The following WHRN variants were observed in gnomAD, a reference collection of about 807,000 sequenced individuals.
WHRN encodes whirlin.
In WHRN, 41 loss-of-function variants were observed where a neutral mutation model predicts 68.3. The ratio of observed to expected loss-of-function variants is 0.60; its 90% CI spans 0.47 to 0.78. The LOEUF is 0.78. WHRN is among the 30% of genes least tolerant of loss of function. The probability of loss-of-function intolerance (pLI) is 0.00; values close to 1 mark genes in which losing one functional copy is unlikely to be tolerated. For missense variants in WHRN, 1,243 were observed against 1,244.7 expected (o/e 1.00, Z 0.02); for synonymous variants, 560 against 561.3 (o/e 1.00, Z 0.03).
At chr9:114,493,371 A>AAAAG (rs1843160138) in intron 1 of WHRN, among the ~76,000 whole-genome samples, 3 of 6,498 alleles carry the variant, frequency 4.6e-4, no homozygotes, top group African/African-American at 2.0e-3. Context: ...AAAAAAAAAA[A>AAAAG]GTGGGGGTGG....
At chr9:114,450,082 T>C (rs1324635) in intron 3 of WHRN, among the ~76,000 whole-genome samples, 43,498 of 151,814 alleles carry the variant, frequency 0.29, 6,496 homozygotes, top group Admixed American at 0.36. Context: ...CTACTGCACC[T>C]CAGGGATAGG....
At position 114,402,919 on chromosome 9, in the gene WHRN, G is replaced by T; in HGVS notation, c.2559C>A (p.His853Gln). ...IVTIQRGGSAHNCGQLKVGHV... is the reference protein window; with the variant it reads ...IVTIQRGGSAQNCGQLKVGHV... ...GGCCCACCTTGAGCTGCCCACAGTT[G>T]TGAGCTGAGCCGCCTCTCTGCAGGG... Residue 853 changes from histidine (H) to glutamine (Q), a missense_variant, in exon 12 of 12, where the codon CAC becomes CAA. Coordinates refer to ENST00000362057, the MANE Select transcript of WHRN (RefSeq NM_015404.4). The T allele has an allele frequency of 6.2e-7, 1 of 1,612,120 alleles. No homozygotes were observed. Among genetic ancestry groups the T allele is most frequent in the Non-Finnish European group, 8.5e-7 (1 of 1,179,444 alleles).
In WHRN at chr9:114,414,900, G is replaced by A. The variant is rs567524727; in HGVS notation, c.1627-6882C>T. 1.2e-4 allele frequency among the ~76,000 whole-genome samples: 19 copies of A among 152,276 alleles called. No individual in the cohort carries two copies. In the East Asian group the frequency reaches 3.5e-3, roughly 28 times the overall value. ...TGGGCACTCAGCAGCTTCCTGGGGT[G>A]GGGGACAGGAGGTCATCTGGACAGG... is the stretch of plus-strand genomic sequence containing the variant. On this transcript the variant is annotated intron_variant, in intron 7 of 11. Transcript: ENST00000362057.
At chr9:114,472,049 C>G (rs1484234587) in intron 2 of WHRN, among the ~76,000 whole-genome samples, 1 of 152,220 alleles carries the variant, frequency 6.6e-6, no homozygotes. Flanking sequence ...CAGCGAACAC[C>G]TGAATGTGTG....
At chr9:114,417,578 G>A (rs941827332) in intron 7 of WHRN, among the ~76,000 whole-genome samples, 2 of 152,236 alleles carry the variant, frequency 1.3e-5, no homozygotes, top group Non-Finnish European at 2.9e-5. Context: ...TGTGACAAGT[G>A]ATTTAGCAGA....
intron 3 of WHRN, among the ~76,000 whole-genome samples, chr9:114,449,211 C>T (rs1057412535): frequency 1.3e-4 from 20 of 152,224 alleles, no homozygotes; most frequent in African/African-American, 4.8e-4. Flanking sequence ...CATGTAAAGC[C>T]AGAAGGGCAA....
At chr9:114,407,445 T>C (rs1002560887) in intron 8 of WHRN, among the ~76,000 whole-genome samples, 3 of 152,162 alleles carry the variant, frequency 2.0e-5, no homozygotes, top group Non-Finnish European at 2.9e-5. Context: ...ACGTGAATAC[T>C]GTTAGCACAG....
intron 7 of WHRN, among the ~76,000 whole-genome samples, chr9:114,413,081 T>G (rs1480203305): frequency 6.6e-6 from 1 of 152,264 alleles, no homozygotes; most frequent in Non-Finnish European, 1.5e-5. Context: ...GCTGAGTGGT[T>G]CTTTCTTCAT....
At position 114,406,714 on chromosome 9, in the gene WHRN, T is replaced by A. The variant is rs1589064822; in HGVS notation, c.1877A>T (p.Asn626Ile). Reference sequence around the variant, plus strand: ...TGCGGTGCCCGCTGGCGGGCTGCGGTTCTGTGGAGCCGAGAAGACAGTGCC... The same window carrying A: ...TGCGGTGCCCGCTGGCGGGCTGCGGATCTGTGGAGCCGAGAAGACAGTGCC... ...CSGTVFSAPQNRSPPAGTAPT... is the reference protein window; with the variant it reads ...CSGTVFSAPQIRSPPAGTAPT... The change falls in exon 9 of 12, where the codon AAC becomes ATC. Residue 626 changes from asparagine (N) to isoleucine (I), a missense_variant. Physicochemically the swap from Asn to Ile is moderately radical, Grantham distance 149. Coordinates refer to ENST00000362057, the MANE Select transcript of WHRN (RefSeq NM_015404.4). 1 of 1,613,770 alleles carries A rather than the reference T, an allele frequency of 6.2e-7. No homozygotes were observed. Among genetic ancestry groups the A allele is most frequent in the African/African-American group, 1.3e-5 (1 of 74,844 alleles).
intron 1 of WHRN, among the ~76,000 whole-genome samples, chr9:114,496,705 T>C (rs1369122203): frequency 6.6e-6 from 1 of 152,230 alleles, no homozygotes; most frequent in Non-Finnish European, 1.5e-5. Context: ...GTGAGGACTA[T>C]GGGCCAGGTT....
intron 7 of WHRN, among the ~76,000 whole-genome samples, chr9:114,416,579 C>T (rs1218433170): frequency 6.6e-6 from 1 of 152,152 alleles, no homozygotes; most frequent in Non-Finnish European, 1.5e-5. Flanking sequence ...TGCCTGCTTC[C>T]CCTTCAAACT....
At chr9:114,452,517 C>G (rs553664161) in intron 3 of WHRN, among the ~76,000 whole-genome samples, 1 of 152,330 alleles carries the variant, frequency 6.6e-6, no homozygotes, top group East Asian at 1.9e-4. Context: ...GTCTTTGACT[C>G]CAAAGCTCCT....
chr9:114,435,464 C>A (rs944410549), intron 3 of WHRN, among the ~76,000 whole-genome samples: 1 of 152,128 alleles, frequency 6.6e-6, no homozygotes, highest in Non-Finnish European at 1.5e-5. Flanking sequence ...AGGGAAGGAG[C>A]ATTTGATTTT....
chr9:114,460,235 G>GT (rs1325189360), intron 3 of WHRN, among the ~76,000 whole-genome samples: 3 of 152,178 alleles, frequency 2.0e-5, no homozygotes, highest in Admixed American at 2.0e-4. Context: ...AGAGCAAAGC[G>GT]TATGACCTTT....
At chr9:114,478,429 G>C (rs774198356) in intron 2 of WHRN, 124 bp downstream of exon 2, 2 of 1,068,264 alleles carry the variant, frequency 1.9e-6, no homozygotes, top group African/African-American at 1.6e-5. Context: ...GTACAGACTT[G>C]AGGGAAGACA....
intron 2 of WHRN, 152 bp downstream of exon 2, chr9:114,478,400 GA>G (rs1381351993): frequency 1.2e-6 from 1 of 848,580 alleles, no homozygotes; most frequent in East Asian, 2.6e-5. Context: ...GAAAAGCAAA[GA>G]AAAAACACCA....
chr9:114,484,344 C>G (rs1395841087), intron 1 of WHRN, among the ~76,000 whole-genome samples: 2 of 152,238 alleles, frequency 1.3e-5, no homozygotes, highest in Non-Finnish European at 2.9e-5. Context: ...GACAGCTCCA[C>G]AGGATCCACC....
chr9:114,499,977 A>AT (rs11388045), intron 1 of WHRN, among the ~76,000 whole-genome samples: 148,279 of 152,150 alleles, frequency 0.97, 72,363 homozygotes, highest in East Asian at 1. Flanking sequence ...AAAAATACCG[A>AT]TTTTTTTAAG....
chr9:114,430,449 G>A (rs1837315711), intron 3 of WHRN, among the ~76,000 whole-genome samples: 1 of 152,088 alleles, frequency 6.6e-6, no homozygotes, highest in Non-Finnish European at 1.5e-5. Flanking sequence ...AGCCACCCTG[G>A]GGTGGAGGTA....
Sources: allele counts gnomAD v4.1 joint callset (sites outside exome capture counted in the v4.1 genomes callset), GRCh38; gene constraint gnomAD v4.1.1; transcripts MANE v1.5; gene names NCBI Gene and HGNC (gene_info 2026-07-23, HGNC 2026-07-21).